PDCD10: variants seen among roughly 807,000 people sequenced by gnomAD.
The protein encoded by PDCD10 is programmed cell death 10, also known as programmed cell death protein 10.
Under a neutral mutation model 29.2 loss-of-function variants are expected in PDCD10, and 4 were observed. The ratio of observed to expected loss-of-function variants is 0.14; its 90% CI spans 0.07 to 0.31. PDCD10 has a LOEUF of 0.31. PDCD10 is among the 10% of genes least tolerant of loss of function. The pLI is 1.00. For synonymous variants in PDCD10, 70 were observed against 82.2 expected, an observed-to-expected ratio of 0.85 and a Z score of 0.80; for missense variants, 183 against 257.9, an observed-to-expected ratio of 0.71 and a Z score of 1.99.
Position 167,697,064 on chromosome 3 carries a change from G to A in PDCD10, c.213C>T (p.Ser71=), listed in dbSNP as rs201316215. ...GGGACTCCGTGAAGTTAACTTCCAC[G>A]CTTTTTTTCTCTAAAATTTTCATAA... ...DIIMKILEKK[S]VEVNFTESLL... is the part of the protein sequence containing the mutation. The change falls in exon 5 of 9, where the codon AGC becomes AGT. Residue 71 remains serine (S), a synonymous_variant. Transcript: ENST00000392750. 5.5e-5 allele frequency: 89 copies of A among 1,611,614 alleles called. No homozygotes were observed. The highest frequency in any genetic ancestry group is 4.2e-4 in the East Asian group (19 of 44,840).
At chr3:167,709,546 C>T (rs1054514370) in intron 3 of PDCD10, among the ~76,000 whole-genome samples, 2 of 152,066 alleles carry the variant, frequency 1.3e-5, no homozygotes, top group African/African-American at 4.8e-5. Flanking sequence ...AGCATTTGGA[C>T]GTGACACGGT....
intron 4 of PDCD10, among the ~76,000 whole-genome samples, chr3:167,697,459 A>G (rs999206620): frequency 2.0e-5 from 3 of 152,048 alleles, no homozygotes; most frequent in Non-Finnish European, 2.9e-5. Context: ...TGCTATTCTC[A>G]TTACTTTAAA....
intron 4 of PDCD10, among the ~76,000 whole-genome samples, chr3:167,698,698 G>C (rs939591108): frequency 2.0e-5 from 3 of 152,098 alleles, no homozygotes; most frequent in Non-Finnish European, 2.9e-5. Flanking sequence ...ATCTTATCTA[G>C]CAATAAATCT....
At chr3:167,709,417 T>C (rs1722304442) in intron 3 of PDCD10, among the ~76,000 whole-genome samples, 1 of 152,016 alleles carries the variant, frequency 6.6e-6, no homozygotes, top group African/African-American at 2.4e-5. Flanking sequence ...ACAAAGAATA[T>C]GTGCACTTGG....
intron 6 of PDCD10, among the ~76,000 whole-genome samples, chr3:167,693,788 TAA>T (rs781020722): frequency 2.2e-5 from 3 of 137,616 alleles, no homozygotes; most frequent in Non-Finnish European, 1.6e-5. Context: ...TACTAAAAAT[TAA>T]AAAAAAAAAA....
intron 4 of PDCD10, among the ~76,000 whole-genome samples, chr3:167,699,626 T>C (rs561886601): frequency 1.3e-5 from 2 of 152,322 alleles, no homozygotes; most frequent in African/African-American, 4.8e-5. Flanking sequence ...GGGTGTCTAA[T>C]CTTTGTAAAG....
At chr3:167,730,059 C>T (rs1005572826) in intron 2 of PDCD10, among the ~76,000 whole-genome samples, 3 of 152,016 alleles carry the variant, frequency 2.0e-5, no homozygotes, top group African/African-American at 7.3e-5. Context: ...ATATAATACA[C>T]TTAAGACACA....
chr3:167,700,455 G>A lies in PDCD10; in HGVS notation c.151-3329C>T, dbSNP rs752801255. 2.0e-5 allele frequency among the ~76,000 whole-genome samples: 3 copies of A among 151,396 alleles called. No homozygotes were observed. The South Asian group carries it at 6.3e-4, about 32-fold the overall frequency. On this transcript the variant is annotated intron_variant, in intron 4 of 8. Coordinates refer to ENST00000392750, the MANE Select transcript of PDCD10 (RefSeq NM_007217.4). ...AAGGTGTATTGCATGATACTGAATT[G>A]CTTGAATACAGTCTAAGACTCACTG... is the stretch of plus-strand genomic sequence containing the variant.
rs1401069631 is a variant in PDCD10, at chr3:167,704,886, C to T, written c.106G>A (p.Val36Ile). ...AGTGTCTGGGCTGCAGACAGATTTA[C>T]TCGTTCTAGCTGCAATAAAAATTTT... ...MYPVFNELER[V>I]NLSAAQTLRA... Residue 36 changes from valine (V) to isoleucine (I), a missense_variant, in exon 4 of 9, where the codon GTA becomes ATA. Coordinates refer to ENST00000392750, the MANE Select transcript of PDCD10 (RefSeq NM_007217.4). 2 of 1,604,804 alleles carry T rather than the reference C, an allele frequency of 1.2e-6. No individual in the cohort carries two copies. The highest frequency in any genetic ancestry group is 1.7e-6 in the Non-Finnish European group (2 of 1,172,236).
At chr3:167,705,844 C>T (rs1480158520) in intron 3 of PDCD10, among the ~76,000 whole-genome samples, 1 of 152,126 alleles carries the variant, frequency 6.6e-6, no homozygotes, top group African/African-American at 2.4e-5. Context: ...AAGTTTCCTA[C>T]TTCCAAGTAA....
At chr3:167,729,586 C>T (rs1724576520) in intron 2 of PDCD10, among the ~76,000 whole-genome samples, 1 of 152,126 alleles carries the variant, frequency 6.6e-6, no homozygotes, top group South Asian at 2.1e-4. Flanking sequence ...GATAATAGTG[C>T]CTCTACCTCG....
At chr3:167,706,881 T>C (rs1010956953) in intron 3 of PDCD10, among the ~76,000 whole-genome samples, 5 of 152,238 alleles carry the variant, frequency 3.3e-5, no homozygotes, top group African/African-American at 1.2e-4. Context: ...ACTAGTTAGG[T>C]AGCAAAATAT....
At chr3:167,721,823 T>C (rs1364264536) in intron 2 of PDCD10, among the ~76,000 whole-genome samples, 1 of 152,182 alleles carries the variant, frequency 6.6e-6, no homozygotes, top group Admixed American at 6.6e-5. Context: ...ATTACCTGAT[T>C]ATGTAACTTA....
intron 3 of PDCD10, among the ~76,000 whole-genome samples, chr3:167,717,763 C>G (rs1470435888): frequency 6.6e-6 from 1 of 151,998 alleles, no homozygotes; most frequent in Non-Finnish European, 1.5e-5. Flanking sequence ...TTCTAAAACC[C>G]TATACTTCTG....
At chr3:167,694,374 G>A in intron 6 of PDCD10, 1 of 188,614 alleles carries the variant, frequency 5.3e-6, no homozygotes. Context: ...TTTCTCTCCT[G>A]CTTCAGAGGC....
At chr3:167,698,468 C>T (rs895234777) in intron 4 of PDCD10, among the ~76,000 whole-genome samples, 2 of 152,018 alleles carry the variant, frequency 1.3e-5, no homozygotes, top group East Asian at 1.9e-4. Flanking sequence ...CCCAGGAGTT[C>T]GTGGCTGCAG....
intron 2 of PDCD10, among the ~76,000 whole-genome samples, chr3:167,727,960 T>A (rs1724383276): frequency 6.6e-6 from 1 of 152,230 alleles, no homozygotes; most frequent in African/African-American, 2.4e-5. Flanking sequence ...CAAGGTTCTA[T>A]CTTGATGATG....
intron 4 of PDCD10, among the ~76,000 whole-genome samples, chr3:167,699,229 C>G (rs537872186): frequency 6.6e-6 from 1 of 152,232 alleles, no homozygotes; most frequent in East Asian, 1.9e-4. Flanking sequence ...TAGATCATAG[C>G]ACTGGCCAAA....
intron 3 of PDCD10, among the ~76,000 whole-genome samples, chr3:167,714,711 A>T (rs1722846493): frequency 6.6e-6 from 1 of 152,022 alleles, no homozygotes; most frequent in Non-Finnish European, 1.5e-5. Flanking sequence ...AATAAAATTT[A>T]ATACCAAGGA....
Sources: gnomAD v4.1 joint callset for allele counts (sites outside exome capture counted in the v4.1 genomes callset) on GRCh38, gnomAD v4.1.1 for gene constraint, MANE v1.5 for transcripts, NCBI Gene and HGNC (gene_info 2026-07-23, HGNC 2026-07-21) for gene names.